The following SLC18A1 variants were observed in gnomAD, a reference collection of about 807,000 sequenced individuals.
SLC18A1 encodes the protein solute carrier family 18 member A1, also known as chromaffin granule amine transporter.
In SLC18A1, 69 loss-of-function variants were observed where a neutral mutation model predicts 53.7. The observed-to-expected ratio is 1.28, with a 90% CI of 1.06 to 1.57. SLC18A1 has a LOEUF of 1.57. Among genes scored for constraint, SLC18A1 ranks in the 40% most tolerant of loss-of-function variants. The pLI is 0.00. For missense variants in SLC18A1, 932 were observed against 668.1 expected (o/e 1.40, Z -4.35); for synonymous variants, 320 against 248.1 (o/e 1.29, Z -2.72).
chr8:20,170,983 C>G, intron 8 of SLC18A1, 120 bp downstream of exon 8: 1 of 923,092 alleles, frequency 1.1e-6, no homozygotes, highest in Non-Finnish European at 1.7e-6. Context: ...AAACACAGTT[C>G]TCACTTTCGC....
intron 10 of SLC18A1, 59 bp from the exon 11 acceptor site, chr8:20,150,803 G>A (rs2071533882): frequency 2.7e-6 from 4 of 1,469,900 alleles, no homozygotes; most frequent in Admixed American, 3.3e-5. Flanking sequence ...AAAATGCCTT[G>A]TCTCGTACAA....
At chr8:20,171,021 T>C in intron 8 of SLC18A1, 82 bp downstream of exon 8, 1 of 1,371,810 alleles carries the variant, frequency 7.3e-7, no homozygotes, top group South Asian at 1.2e-5. Flanking sequence ...ACTTTTCTTC[T>C]TATGGTTTGG....
At chr8:20,162,854 A>G (rs2071863233) in intron 10 of SLC18A1, among the ~76,000 whole-genome samples, 1 of 152,200 alleles carries the variant, frequency 6.6e-6, no homozygotes, top group Non-Finnish European at 1.5e-5. Flanking sequence ...CCTTAACCAC[A>G]GCAATACAGG....
intron 8 of SLC18A1, among the ~76,000 whole-genome samples, chr8:20,168,906 A>G (rs2072040630): frequency 6.6e-6 from 1 of 152,242 alleles, no homozygotes; most frequent in Admixed American, 6.5e-5. Flanking sequence ...TTTTGTAAAC[A>G]TTATAGTAAA....
chr8:20,147,761 A>G, intron 13 of SLC18A1, 39 bp from the exon 14 acceptor site: 3 of 1,599,262 alleles, frequency 1.9e-6, no homozygotes, highest in Non-Finnish European at 2.6e-6. Flanking sequence ...AGCCCCACCC[A>G]CAGTTAGTAC....
chr8:20,164,186 A>C (rs2071896259), intron 10 of SLC18A1, among the ~76,000 whole-genome samples: 1 of 152,066 alleles, frequency 6.6e-6, no homozygotes, highest in Non-Finnish European at 1.5e-5. Context: ...AGCAATTTGC[A>C]CGTAGCCTTC....
intron 5 of SLC18A1, 110 bp downstream of exon 5, chr8:20,174,251 A>G (rs2072199311): frequency 1.2e-6 from 1 of 826,696 alleles, no homozygotes; most frequent in African/African-American, 1.7e-5. Context: ...CTACCTATCC[A>G]GGTGACATTT....
chr8:20,171,724 ATG>A (rs369186699), intron 6 of SLC18A1, among the ~76,000 whole-genome samples: 104 of 149,470 alleles, frequency 7.0e-4, no homozygotes, highest in African/African-American at 2.2e-3. Flanking sequence ...GTGTGTATGT[ATG>A]TGTGTGTGTG....
At chr8:20,172,871 C>G (rs927211573) in intron 6 of SLC18A1, among the ~76,000 whole-genome samples, 165 bp downstream of exon 6, 1 of 152,146 alleles carries the variant, frequency 6.6e-6, no homozygotes, top group African/African-American at 2.4e-5. Flanking sequence ...TTCCCAGCTT[C>G]TTAAGGAGAA....
intron 5 of SLC18A1, among the ~76,000 whole-genome samples, 167 bp from the exon 6 acceptor site, chr8:20,173,295 C>G (rs779045764): frequency 6.6e-6 from 1 of 152,188 alleles, no homozygotes; most frequent in Non-Finnish European, 1.5e-5. Context: ...ACTACCCTCC[C>G]TAGTCCCCCA....
intron 4 of SLC18A1, among the ~76,000 whole-genome samples, chr8:20,177,608 TG>T (rs2072283097): frequency 6.6e-6 from 1 of 152,256 alleles, no homozygotes; most frequent in East Asian, 1.9e-4. Context: ...CTGCACGTTG[TG>T]CACGTGTACC....
intron 12 of SLC18A1, among the ~76,000 whole-genome samples, chr8:20,149,015 G>A (rs748088203): frequency 4.6e-5 from 7 of 152,024 alleles, no homozygotes; most frequent in Non-Finnish European, 1.0e-4. Context: ...CATGGAACCC[G>A]GATCCCATGC....
rs1180130395 is a variant in SLC18A1, at chr8:20,149,600, CT to C, written c.1146+75del. 3.2e-3 allele frequency: 3,629 copies of C among 1,143,924 alleles called. 4 individuals are homozygous for C. The highest frequency in any genetic ancestry group is 4.0e-3 in the Non-Finnish European group (3,116 of 775,610). The allele number at this position is 1,143,924 out of a possible 1,614,324, so 70.9% of individuals were successfully genotyped here. A position where few individuals can be genotyped will look rare whatever the true frequency, so the allele number is the denominator to read the frequency against. On this transcript the variant is annotated intron_variant, in intron 12 of 15. Coordinates refer to ENST00000276373, the MANE Select transcript of SLC18A1 (RefSeq NM_003053.4). ...TCTCTCTCTCTCTCCCTCTCTCTCT[CT>C]CTCTCTCTCTCTCTCTGTCTGTCTG...
At chr8:20,156,553 C>A (rs553332748) in intron 10 of SLC18A1, among the ~76,000 whole-genome samples, 1 of 152,126 alleles carries the variant, frequency 6.6e-6, no homozygotes, top group African/African-American at 2.4e-5. Flanking sequence ...GGGAAAATTG[C>A]CTAATAATTG....
chr8:20,154,633 C>T (rs2071637614), intron 10 of SLC18A1, among the ~76,000 whole-genome samples: 1 of 152,178 alleles, frequency 6.6e-6, no homozygotes, highest in Non-Finnish European at 1.5e-5. Flanking sequence ...AGATGAAAGA[C>T]ATGTTCAGAG....
chr8:20,182,759 T>C (rs905729153), intron 1 of SLC18A1, among the ~76,000 whole-genome samples: 1 of 152,190 alleles, frequency 6.6e-6, no homozygotes, highest in Non-Finnish European at 1.5e-5. Context: ...AACCAGTAAA[T>C]GCATGCAATT....
chr8:20,162,964 G>A (rs770365689), intron 10 of SLC18A1, among the ~76,000 whole-genome samples: 12 of 152,086 alleles, frequency 7.9e-5, no homozygotes, highest in East Asian at 3.9e-4. Context: ...GCAGCAGCCC[G>A]GTTTCTCATT....
In SLC18A1 at chr8:20,163,054, A is replaced by C. The variant is rs562283696; in HGVS notation, c.1015+1815T>G. Among the ~76,000 whole-genome samples the C allele has an allele frequency of 3.3e-5, 5 of 152,230 alleles. No homozygotes were observed. In the South Asian group the frequency reaches 1.0e-3, roughly 32 times the overall value. ...AGTGCATGATTTATCAATGAAAGAG[A>C]TTTATTTGGCTCAGGGTTCTGGAGG... On this transcript the variant is annotated intron_variant, in intron 10 of 15. Coordinates refer to ENST00000276373, the MANE Select transcript of SLC18A1 (RefSeq NM_003053.4).
chr8:20,182,148 A>C (rs55806365), intron 1 of SLC18A1, among the ~76,000 whole-genome samples: 1 of 151,992 alleles, frequency 6.6e-6, no homozygotes, highest in Non-Finnish European at 1.5e-5. Context: ...GATTACCATC[A>C]TGAAATCTAT....
Sources: gnomAD v4.1 joint callset for allele counts (sites outside exome capture counted in the v4.1 genomes callset) on GRCh38, gnomAD v4.1.1 for gene constraint, MANE v1.5 for transcripts, NCBI Gene and HGNC (gene_info 2026-07-23, HGNC 2026-07-21) for gene names.